The following STRA8 variants were observed in gnomAD, a reference collection of about 807,000 sequenced individuals.
STRA8 encodes the protein stimulated by retinoic acid 8.
A neutral mutation model predicts 37.1 loss-of-function variants in STRA8; 18 were observed. The ratio of observed to expected loss-of-function variants is 0.48; its 90% CI spans 0.34 to 0.72. The LOEUF is 0.72. STRA8 is among the 30% of genes least tolerant of loss of function. STRA8 has a pLI of 0.01. For missense variants in STRA8, 357 were observed against 410.4 expected, an observed-to-expected ratio of 0.87 and a Z score of 1.13; for synonymous variants, 168 against 162.9, an observed-to-expected ratio of 1.03 and a Z score of -0.24.
At chr7:135,248,410 A>C (rs1585476962) in intron 6 of STRA8, among the ~76,000 whole-genome samples, 2 of 151,656 alleles carry the variant, frequency 1.3e-5, no homozygotes, top group East Asian at 1.9e-4. Flanking sequence ...TTTTTTTTAA[A>C]GTCAGGTGCC....
At chr7:135,241,063 A>G (rs1346920545) in intron 2 of STRA8, among the ~76,000 whole-genome samples, 1 of 152,126 alleles carries the variant, frequency 6.6e-6, no homozygotes, top group African/African-American at 2.4e-5. Context: ...ATCACCTTCC[A>G]AAAGCCCCCA....
chr7:135,232,910 A>C (rs1400738677), upstream of STRA8, among the ~76,000 whole-genome samples: 4 of 152,204 alleles, frequency 2.6e-5, no homozygotes, highest in Non-Finnish European at 5.9e-5. Flanking sequence ...CTCACCCATC[A>C]GATGGCAGCA....
intron 1 of STRA8, among the ~76,000 whole-genome samples, 139 bp downstream of exon 1, chr7:135,234,042 G>A (rs1440896100): frequency 1.3e-5 from 2 of 151,978 alleles, no homozygotes; most frequent in African/African-American, 2.4e-5. Context: ...TTTTGTATCC[G>A]TCACTGTGGC....
At chr7:135,250,380 A>G (rs1437483176) in intron 6 of STRA8, among the ~76,000 whole-genome samples, 2 of 152,326 alleles carry the variant, frequency 1.3e-5, no homozygotes, top group African/African-American at 4.8e-5. Context: ...CATGTAGCTG[A>G]TAGGCTTCAG....
chr7:135,246,780 C>T lies in STRA8; in HGVS notation c.879+78C>T. ...CTCGCCTGGGGACACCAGGGCTTTG[C>T]ATTTAGCAGGTTGGAGGTGCAGTTT... On this transcript the variant is annotated intron_variant, in intron 6 of 8. Coordinates refer to ENST00000662584, the MANE Select transcript of STRA8 (RefSeq NM_001394401.1). The surrounding 1 kb of genome is among the most constrained non-coding windows in gnomAD (Gnocchi z 5.4). 7.1e-7 allele frequency: 1 copy of T among 1,408,140 alleles called. No homozygotes were observed. The highest frequency in any genetic ancestry group is 9.3e-7 in the Non-Finnish European group (1 of 1,073,528). 87.2% of individuals were successfully genotyped at this position (1,408,140 alleles called of 1,614,324 possible).
At chr7:135,240,775 G>C in intron 2 of STRA8, 59 bp downstream of exon 2, 1 of 1,586,374 alleles carries the variant, frequency 6.3e-7, no homozygotes, top group Non-Finnish European at 8.6e-7. Flanking sequence ...CGTTTTCACA[G>C]GTGGAGGGAC....
intron 4 of STRA8, among the ~76,000 whole-genome samples, 153 bp downstream of exon 4, chr7:135,243,563 G>C (rs292634): frequency 0.95 from 144,527 of 152,286 alleles, 69,007 homozygotes; most frequent in East Asian, 1. Context: ...GAGACCATTC[G>C]TTTCTCTTTT....
intron 7 of STRA8, among the ~76,000 whole-genome samples, chr7:135,253,109 A>G (rs911125875): frequency 6.6e-6 from 1 of 152,038 alleles, no homozygotes; most frequent in African/African-American, 2.4e-5. Context: ...TAATTTTTGT[A>G]TTTTTAGCAG....
intron 2 of STRA8, among the ~76,000 whole-genome samples, chr7:135,241,224 C>T (rs1339551069): frequency 6.6e-6 from 1 of 152,186 alleles, no homozygotes; most frequent in Non-Finnish European, 1.5e-5. Context: ...GGTTCCAAGT[C>T]TTTGCTGACC....
intron 6 of STRA8, among the ~76,000 whole-genome samples, chr7:135,248,199 C>T (rs566874429): frequency 6.6e-6 from 1 of 152,252 alleles, no homozygotes; most frequent in Non-Finnish European, 1.5e-5. Flanking sequence ...TGGAGAACGA[C>T]AGAGATGTCA....
chr7:135,238,171 C>G (rs1440762909), intron 1 of STRA8, among the ~76,000 whole-genome samples: 5 of 152,176 alleles, frequency 3.3e-5, no homozygotes, highest in Admixed American at 1.3e-4. Flanking sequence ...TCCCATCTTT[C>G]CTGCGGTGTG....
rs1360502373 is a variant in STRA8, at chr7:135,246,478, C to G, written c.655C>G (p.Gln219Glu). 6.3e-7 allele frequency: 1 copy of G among 1,589,268 alleles called. No individual in the cohort carries two copies. The highest frequency in any genetic ancestry group is 2.3e-5 in the East Asian group (1 of 43,644). Residue 219 changes from glutamine to glutamate, a missense_variant, in exon 6 of 9, where the codon CAG becomes GAG. Coordinates refer to ENST00000662584, the MANE Select transcript of STRA8 (RefSeq NM_001394401.1). The surrounding 1 kb of genome is among the most constrained non-coding windows in gnomAD (Gnocchi z 5.4). Reference sequence around the variant, plus strand: ...GACTGGCAGCGGGATCATTACCCCGCAGGAGGCGGCGCTGCCCATCGTCTC... The same window carrying G: ...GACTGGCAGCGGGATCATTACCCCGGAGGAGGCGGCGCTGCCCATCGTCTC... ...LLTGSGIITP[Q>E]EAALPIVSAA... is the part of the protein sequence containing the mutation.
intron 4 of STRA8, among the ~76,000 whole-genome samples, chr7:135,244,950 G>T (rs1832523099): frequency 1.3e-5 from 2 of 152,124 alleles, no homozygotes; most frequent in African/African-American, 4.8e-5. Context: ...TAGGTTTTTT[G>T]GAGATACCCT....
chr7:135,246,837 T>C lies in STRA8; in HGVS notation c.879+135T>C, dbSNP rs114068695. ...TGGCTCCCAAGGTCGGTTTCTGATTTTCTTTTTTCTCTTTTTTTTTTTTTT... is the reference window on the plus strand; with the variant it reads ...TGGCTCCCAAGGTCGGTTTCTGATTCTCTTTTTTCTCTTTTTTTTTTTTTT... On this transcript the variant is annotated intron_variant, in intron 6 of 8. Coordinates refer to ENST00000662584, the MANE Select transcript of STRA8 (RefSeq NM_001394401.1). This position sits in a 1 kb window ranked among gnomAD's most constrained non-coding sequence, Gnocchi z 5.4. The C allele has an allele frequency of 2.1e-4, 204 of 978,984 alleles. No individual in the cohort carries two copies. In the African/African-American group the frequency reaches 3.2e-3, roughly 15 times the overall value. 60.6% of individuals were successfully genotyped at this position (978,984 alleles called of 1,614,324 possible). A position where few individuals can be genotyped will look rare whatever the true frequency, so the allele number is the denominator to read the frequency against.
Position 135,246,138 on chromosome 7 carries a change from G to A in STRA8, c.594-279G>A, listed in dbSNP as rs2117805555. On this transcript the variant is annotated intron_variant, in intron 5 of 8. Coordinates refer to ENST00000662584, the MANE Select transcript of STRA8 (RefSeq NM_001394401.1). This position sits in a 1 kb window ranked among gnomAD's most constrained non-coding sequence, Gnocchi z 5.4. ...TTAGGATGAGAGCTGAGGCAGCTAC[G>A]CCTCTTATCTGCTTCTGTCTAACAC... The A allele has an allele frequency of 2.0e-6, 1 of 500,020 alleles. No homozygotes were observed. The highest frequency in any genetic ancestry group is 3.6e-6 in the Non-Finnish European group (1 of 279,020). The allele number at this position is 500,020 out of a possible 1,614,324, so 31.0% of individuals were successfully genotyped here.
intron 1 of STRA8, among the ~76,000 whole-genome samples, chr7:135,239,712 T>C (rs1441184691): frequency 1.3e-5 from 2 of 152,132 alleles, no homozygotes; most frequent in Admixed American, 6.6e-5. Flanking sequence ...AGTCCCAGAA[T>C]CGCCTCTCCT....
Position 135,242,767 on chromosome 7 carries a change from C to T in STRA8, c.193-14C>T. 8.1e-6 allele frequency: 13 copies of T among 1,613,964 alleles called. No individual in the cohort carries two copies. Among genetic ancestry groups the T allele is most frequent in the Non-Finnish European group, 1.1e-5 (13 of 1,179,834 alleles). The stretch of plus-strand genomic sequence containing the variant: ...GAGAGGCTGGCTTTCAGCATTGTCT[C>T]TGTCTATCCTCAGTGGCAGGTTCTG... On this transcript the variant is annotated splice_polypyrimidine_tract_variant and intron_variant, in intron 2 of 8. Coordinates refer to ENST00000662584, the MANE Select transcript of STRA8 (RefSeq NM_001394401.1).
At chr7:135,243,140 T>C (rs1832492436) in intron 3 of STRA8, among the ~76,000 whole-genome samples, 186 bp from the exon 4 acceptor site, 1 of 152,162 alleles carries the variant, frequency 6.6e-6, no homozygotes, top group Non-Finnish European at 1.5e-5. Context: ...AGAGGAAAAG[T>C]GGGCTCCTGC....
At chr7:135,250,782 T>G (rs1192016073) in intron 6 of STRA8, among the ~76,000 whole-genome samples, 1 of 152,252 alleles carries the variant, frequency 6.6e-6, no homozygotes, top group Non-Finnish European at 1.5e-5. Context: ...CAAAACATTC[T>G]TATACTAAAA....
Sources: gnomAD v4.1 joint callset for allele counts (sites outside exome capture counted in the v4.1 genomes callset) on GRCh38, gnomAD v4.1.1 for gene constraint, Gnocchi (gnomAD v3.1) non-coding constraint, MANE v1.5 for transcripts, NCBI Gene and HGNC (gene_info 2026-07-23, HGNC 2026-07-21) for gene names.